CDH17: variants seen among roughly 807,000 people sequenced by gnomAD.
The protein encoded by CDH17 is cadherin 17.
A neutral mutation model predicts 86.3 loss-of-function variants in CDH17; 67 were observed. The ratio of observed to expected loss-of-function variants is 0.78; its 90% CI spans 0.64 to 0.95. CDH17 has a LOEUF of 0.95. Among genes scored for constraint, CDH17 ranks in the 40% least tolerant of loss-of-function variants. The probability of loss-of-function intolerance (pLI) is 0.00; values close to 1 mark genes in which losing one functional copy is unlikely to be tolerated. For synonymous variants in CDH17, 367 were observed against 366.4 expected, an observed-to-expected ratio of 1.00 and a Z score of -0.02; for missense variants, 993 against 1,017.6, an observed-to-expected ratio of 0.98 and a Z score of 0.33.
chr8:94,165,247 G>T (rs927388930), intron 10 of CDH17, among the ~76,000 whole-genome samples: 4 of 152,120 alleles, frequency 2.6e-5, no homozygotes, highest in Non-Finnish European at 5.9e-5. Context: ...ACTGTACACA[G>T]CCAGTGACTG....
intron 9 of CDH17, among the ~76,000 whole-genome samples, chr8:94,166,596 C>T (rs935991147): frequency 7.2e-5 from 11 of 152,126 alleles, no homozygotes; most frequent in Admixed American, 6.6e-4. Flanking sequence ...CCTAGTACTC[C>T]CTCCCAAAAC....
intron 12 of CDH17, among the ~76,000 whole-genome samples, chr8:94,152,740 G>A (rs1812879835): frequency 6.6e-6 from 1 of 152,160 alleles, no homozygotes; most frequent in Non-Finnish European, 1.5e-5. Context: ...AGGCTGGAAA[G>A]CCTAAGAACA....
In CDH17 at chr8:94,182,695, A is replaced by G. The variant is rs113070036; in HGVS notation, c.151-4974T>C. ...AAAGACTGAAAGCTTTCTCCATAAG[A>G]TCAGAAACAAGACAAGGATACTCAA... is the stretch of plus-strand genomic sequence containing the variant. On this transcript the variant is annotated intron_variant, in intron 3 of 17. Transcript: ENST00000027335. 5.0e-3 allele frequency among the ~76,000 whole-genome samples: 768 copies of G among 152,200 alleles called. 8 individuals carry two copies. Among genetic ancestry groups the G allele is most frequent in the African/African-American group, 0.017 (715 of 41,554 alleles).
chr8:94,174,755 A>C (rs183988476), intron 5 of CDH17, among the ~76,000 whole-genome samples: 1 of 152,332 alleles, frequency 6.6e-6, no homozygotes, highest in African/African-American at 2.4e-5. Flanking sequence ...CCAAACTAGC[A>C]CATGGCAAGA....
Position 94,151,930 on chromosome 8 carries a change from A to G in CDH17, c.1734T>C (p.Asp578=). The change falls in exon 13 of 18, where the codon GAT becomes GAC. Residue 578 remains aspartate (D), a synonymous_variant. Coordinates refer to ENST00000027335, the MANE Select transcript of CDH17 (RefSeq NM_004063.4). ...TGCCCACTTTAGTGCCTATAGCTAC[A>G]TCCTCACTGACTTTCGCTTGGAATA... is the stretch of plus-strand genomic sequence containing the variant. ...QHVFQAKVSE[D]VAIGTKVGNV... The G allele has an allele frequency of 1.2e-6, 2 of 1,614,186 alleles. No individual in the cohort carries two copies. The highest frequency in any genetic ancestry group is 2.2e-5 in the East Asian group (1 of 44,872).
chr8:94,136,508 C>T (rs1016161806), intron 15 of CDH17, among the ~76,000 whole-genome samples: 1 of 152,200 alleles, frequency 6.6e-6, no homozygotes, highest in Non-Finnish European at 1.5e-5. Context: ...TTAAGGTCTT[C>T]TCTACACTGT....
At chr8:94,149,455 T>A (rs1469115787) in intron 13 of CDH17, among the ~76,000 whole-genome samples, 2 of 152,180 alleles carry the variant, frequency 1.3e-5, no homozygotes, top group South Asian at 2.1e-4. Context: ...AGATAAACAG[T>A]TGATTCCAAT....
rs543710514 is a variant in CDH17, at chr8:94,184,833, T to C, written c.150+4354A>G. Among the ~76,000 whole-genome samples the C allele has an allele frequency of 1.8e-4, 27 of 152,222 alleles. No homozygotes were observed. The East Asian group carries it at 4.8e-3, about 27-fold the overall frequency. On this transcript the variant is annotated intron_variant, in intron 3 of 17. Coordinates refer to ENST00000027335, the MANE Select transcript of CDH17 (RefSeq NM_004063.4). ...GCTGGCACTAGTTGAAAATCCACAA[T>C]GAAAGAAGTGTATGGTGGTTCAGTT...
At chr8:94,144,373 C>G (rs1455469610) in intron 15 of CDH17, among the ~76,000 whole-genome samples, 3 of 151,948 alleles carry the variant, frequency 2.0e-5, no homozygotes, top group Non-Finnish European at 4.4e-5. Context: ...TAAGAATTAC[C>G]TAAATGTGAC....
At position 94,127,663 on chromosome 8, in the gene CDH17, A is replaced by T. The variant is rs1258711386; in HGVS notation, c.*577T>A. On this transcript the variant is annotated 3_prime_UTR_variant, in exon 18 of 18. Transcript: ENST00000027335. ...CAGGCAGTTCTATGAGACAACACTG[A>T]TATATCTCCTTGATAAAGAAAAAAT... is the stretch of plus-strand genomic sequence containing the variant. 1.3e-5 allele frequency: 2 copies of T among 152,316 alleles called. No individual in the cohort carries two copies. Among genetic ancestry groups the T allele is most frequent in the African/African-American group, 4.8e-5 (2 of 41,446 alleles). 9.4% of individuals were successfully genotyped at this position (152,316 alleles called of 1,614,324 possible).
At position 94,205,141 on chromosome 8, in the gene CDH17, C is replaced by T. The variant is rs556196375; in HGVS notation, c.-21+3342G>A. Reference sequence around the variant, plus strand: ...TCCCTCACGTGTGCAGCTATATACCCGCAAAAACCCTAGAAGGTGGCAGGG... The same window carrying T: ...TCCCTCACGTGTGCAGCTATATACCTGCAAAAACCCTAGAAGGTGGCAGGG... On this transcript the variant is annotated intron_variant, in intron 1 of 17. Coordinates refer to ENST00000027335, the MANE Select transcript of CDH17 (RefSeq NM_004063.4). Among the ~76,000 whole-genome samples the T allele has an allele frequency of 9.2e-5, 14 of 152,206 alleles. 1 individual carries two copies. In the South Asian group the frequency reaches 1.5e-3, roughly 16 times the overall value.
chr8:94,165,071 T>A (rs1480264165), intron 10 of CDH17, among the ~76,000 whole-genome samples: 1 of 152,132 alleles, frequency 6.6e-6, no homozygotes, highest in South Asian at 2.1e-4. Context: ...GTCCTTTCAG[T>A]CTGAAAGCAA....
In CDH17 at chr8:94,170,861, T is replaced by G; in HGVS notation, c.908A>C (p.Lys303Thr). Residue 303 changes from lysine to threonine, a missense_variant, in exon 8 of 18, where the codon AAG (lysine) becomes ACG (threonine). Physicochemically the swap from Lys to Thr is moderately conservative, Grantham distance 78. Transcript: ENST00000027335. The part of the protein sequence containing the change: ...YVTQPLDREE[K>T]DAYVFYAVAK... ...CTCTTCTCTTTTACTCACTGCATCCTTTTCTTCTCGGTCCAAGGGCTGAGT... is the reference window on the plus strand; with the variant it reads ...CTCTTCTCTTTTACTCACTGCATCCGTTTCTTCTCGGTCCAAGGGCTGAGT... 6.2e-7 allele frequency: 1 copy of G among 1,613,400 alleles called. No homozygotes were observed. The highest frequency in any genetic ancestry group is 1.1e-5 in the South Asian group (1 of 90,966).
At chr8:94,167,546 G>A (rs570745855) in intron 9 of CDH17, among the ~76,000 whole-genome samples, 10 of 152,324 alleles carry the variant, frequency 6.6e-5, no homozygotes, top group East Asian at 3.9e-4. Context: ...AGGGACCATC[G>A]GAATGAATAG....
At chr8:94,201,497 T>C (rs1813911101) in intron 1 of CDH17, among the ~76,000 whole-genome samples, 1 of 152,138 alleles carries the variant, frequency 6.6e-6, no homozygotes, top group South Asian at 2.1e-4. Flanking sequence ...GAAAGAACAC[T>C]GTGTGAATGT....
At chr8:94,135,265 A>T (rs1812499934) in intron 15 of CDH17, among the ~76,000 whole-genome samples, 2 of 152,170 alleles carry the variant, frequency 1.3e-5, no homozygotes, top group South Asian at 4.1e-4. Flanking sequence ...GGGGTGTTAA[A>T]GTCTCCCATG....
At chr8:94,207,690 C>T (rs573184355) in intron 1 of CDH17, among the ~76,000 whole-genome samples, 2 of 152,278 alleles carry the variant, frequency 1.3e-5, no homozygotes, top group Non-Finnish European at 2.9e-5. Flanking sequence ...AGGCACTGTC[C>T]TTCCAATCTG....
intron 3 of CDH17, among the ~76,000 whole-genome samples, chr8:94,180,077 A>T (rs960784635): frequency 6.6e-6 from 1 of 152,268 alleles, no homozygotes; most frequent in East Asian, 1.9e-4. Flanking sequence ...ATGCCTCATC[A>T]GATATAGAAT....
chr8:94,165,403 T>G (rs998239513), intron 10 of CDH17, among the ~76,000 whole-genome samples: 1 of 152,122 alleles, frequency 6.6e-6, no homozygotes, highest in East Asian at 1.9e-4. Flanking sequence ...CCATCTCCCC[T>G]TCACCCAGCG....
Sources: allele counts gnomAD v4.1 joint callset (sites outside exome capture counted in the v4.1 genomes callset), GRCh38; gene constraint gnomAD v4.1.1; transcripts MANE v1.5; gene names NCBI Gene and HGNC (gene_info 2026-07-23, HGNC 2026-07-21).